The following ANKRD37 variants were observed in gnomAD, a reference collection of about 807,000 sequenced individuals.
The protein encoded by ANKRD37 is ankyrin repeat domain 37, also known as ankyrin repeat domain-containing protein 37.
Under a neutral mutation model 19.7 loss-of-function variants are expected in ANKRD37, and 17 were observed. The observed-to-expected ratio is 0.86, with a 90% CI of 0.59 to 1.29. ANKRD37 has a LOEUF of 1.29. Among genes scored for constraint, ANKRD37 ranks in the 50% most tolerant of loss-of-function variants. The pLI is 0.00. For synonymous variants in ANKRD37, 79 were observed against 74.5 expected (o/e 1.06, Z -0.31); for missense variants, 207 against 190.4 (o/e 1.09, Z -0.51).
intron 2 of ANKRD37, among the ~76,000 whole-genome samples, chr4:185,398,042 C>T (rs1192244200): frequency 2.6e-5 from 4 of 152,260 alleles, no homozygotes; most frequent in Non-Finnish European, 5.9e-5. Flanking sequence ...ACTGCAACCT[C>T]TGCTTCTTGG....
At chr4:185,398,296 C>T (rs1057111010) in intron 2 of ANKRD37, among the ~76,000 whole-genome samples, 11 of 151,922 alleles carry the variant, frequency 7.2e-5, no homozygotes, top group African/African-American at 2.7e-4. Flanking sequence ...AAAAAGCAAA[C>T]TAAAAGAACT....
Position 185,397,245 on chromosome 4 carries a change from C to A in ANKRD37, c.123C>A (p.Ser41Arg), listed in dbSNP as rs938648762. The change falls in exon 2 of 5, where the codon AGC becomes AGA. Residue 41 changes from serine to arginine, a missense_variant. Coordinates refer to ENST00000335174, the MANE Select transcript of ANKRD37 (RefSeq NM_181726.4). Reference protein sequence around the residue: ...KQSPVHLAAGSGLACFLLWQL... With the variant: ...KQSPVHLAAGRGLACFLLWQL... ...CGCCTGTCCACTTAGCCGCAGGAAGCGGCCTTGCTTGCTTTCTTCTCTGGC... is the reference window on the plus strand; with the variant it reads ...CGCCTGTCCACTTAGCCGCAGGAAGAGGCCTTGCTTGCTTTCTTCTCTGGC... 15 of 1,614,038 alleles carry A rather than the reference C, an allele frequency of 9.3e-6. 1 individual carries two copies. In the Admixed American group the frequency reaches 2.2e-4, roughly 23 times the overall value.
chr4:185,397,012 C>T lies in ANKRD37; in HGVS notation c.27+62C>T, dbSNP rs2095505290. Reference sequence around the variant, plus strand: ...TGCAGGCTCAAGCTTCTAGATTCGTCTTCTCGTTAATGCGGGGACGGACCA... The same window carrying T: ...TGCAGGCTCAAGCTTCTAGATTCGTTTTCTCGTTAATGCGGGGACGGACCA... On this transcript the variant is annotated intron_variant, in intron 1 of 4. Coordinates refer to ENST00000335174, the MANE Select transcript of ANKRD37 (RefSeq NM_181726.4). 3.7e-6 allele frequency: 6 copies of T among 1,611,066 alleles called. No homozygotes were observed. The East Asian group carries it at 6.7e-5, about 18-fold the overall frequency.
At chr4:185,398,735 CG>C (rs1412075157) in intron 2 of ANKRD37, among the ~76,000 whole-genome samples, 1 of 148,084 alleles carries the variant, frequency 6.8e-6, no homozygotes, top group Non-Finnish European at 1.5e-5. Flanking sequence ...AACCCAAAAC[CG>C]GAACTGAGAA....
At chr4:185,398,126 T>C (rs186854217) in intron 2 of ANKRD37, among the ~76,000 whole-genome samples, 74 of 152,078 alleles carry the variant, frequency 4.9e-4, no homozygotes, top group African/African-American at 1.5e-3. Context: ...CCCGGCTAAT[T>C]TGTGTATTTT....
chr4:185,399,109 C>G (rs960851430), intron 3 of ANKRD37, 81 bp downstream of exon 3: 2 of 1,185,932 alleles, frequency 1.7e-6, no homozygotes, highest in South Asian at 2.6e-5. Context: ...GTTACATGTG[C>G]TTTTAAAAAT....
At position 185,400,012 on chromosome 4, in the gene ANKRD37, A is replaced by G. The variant is rs2095511328; in HGVS notation, c.*-5A>G. 6.2e-7 allele frequency: 1 copy of G among 1,602,072 alleles called. No individual in the cohort carries two copies. The highest frequency in any genetic ancestry group is 8.5e-7 in the Non-Finnish European group (1 of 1,176,858). ...TTTTTAATGTTAACGTGTTTTTAAA[A>G]ACAGATGTCACGTGGGTTATGAAGA... On this transcript the variant is annotated splice_region_variant and splice_polypyrimidine_tract_variant and intron_variant, in intron 4 of 4. Coordinates refer to ENST00000335174, the MANE Select transcript of ANKRD37 (RefSeq NM_181726.4).
downstream of ANKRD37, chr4:185,400,505 G>C: frequency 6.4e-7 from 1 of 1,560,766 alleles, no homozygotes; most frequent in Non-Finnish European, 8.8e-7. Context: ...GGAAAGGAAA[G>C]CCTTTTACAA....
chr4:185,399,077 C>T, intron 3 of ANKRD37, 49 bp downstream of exon 3: 2 of 1,457,760 alleles, frequency 1.4e-6, no homozygotes, highest in Admixed American at 1.7e-5. Flanking sequence ...TTGGATTAAA[C>T]TAATCAGACT....
chr4:185,399,458 C>G, intron 3 of ANKRD37, 112 bp from the exon 4 acceptor site: 2 of 1,148,952 alleles, frequency 1.7e-6, no homozygotes, highest in Non-Finnish European at 2.5e-6. Context: ...CATCCTTTAC[C>G]TCTTCTGTTC....
At chr4:185,400,431 G>A (rs758191031), downstream of ANKRD37, 30 of 1,613,882 alleles carry the variant, frequency 1.9e-5, no homozygotes, top group Non-Finnish European at 2.5e-5. Flanking sequence ...ATAAGTTATA[G>A]TATGCATCCT....
chr4:185,397,015 C>T, intron 1 of ANKRD37, 65 bp downstream of exon 1: 1 of 1,611,054 alleles, frequency 6.2e-7, no homozygotes, highest in African/African-American at 1.3e-5. Flanking sequence ...GATTCGTCTT[C>T]TCGTTAATGC....
Position 185,396,879 on chromosome 4 carries a change from C to G in ANKRD37, c.-45C>G. ...TGTCGGGGTGCGGCGAGTGTCTCAC[C>G]TCTCTGCACTTCCAAGGACTCTTGT... On this transcript the variant is annotated 5_prime_UTR_variant, in exon 1 of 5. Transcript: ENST00000335174. 6.2e-7 allele frequency: 1 copy of G among 1,608,622 alleles called. No homozygotes were observed. The highest frequency in any genetic ancestry group is 8.5e-7 in the Non-Finnish European group (1 of 1,177,250).
At chr4:185,399,501 C>T in intron 3 of ANKRD37, 69 bp from the exon 4 acceptor site, 1 of 1,493,830 alleles carries the variant, frequency 6.7e-7, no homozygotes, top group Non-Finnish European at 9.0e-7. Flanking sequence ...CCAAAATTCC[C>T]TTGTAAGATA....
At chr4:185,396,993 C>T (rs1191563302) in intron 1 of ANKRD37, 43 bp downstream of exon 1, 3 of 1,612,452 alleles carry the variant, frequency 1.9e-6, no homozygotes, top group East Asian at 2.2e-5. Context: ...GTCCTGCAGG[C>T]TCAAGCTTCT....
Position 185,400,047 on chromosome 4 carries a change from A to G in ANKRD37, c.*30A>G, listed in dbSNP as rs1448842707. 1.9e-6 allele frequency: 3 copies of G among 1,565,052 alleles called. No homozygotes were observed. Among genetic ancestry groups the G allele is most frequent in the Non-Finnish European group, 2.6e-6 (3 of 1,143,010 alleles). ...ACGTGGGTTATGAAGAAGTCTGAAG[A>G]ACGCCTTCATTTCATGCAAATCTAT... On this transcript the variant is annotated 3_prime_UTR_variant, in exon 5 of 5. Transcript: ENST00000335174.
intron 2 of ANKRD37, 134 bp downstream of exon 2, chr4:185,397,436 C>T (rs1452057941): frequency 8.4e-7 from 1 of 1,189,830 alleles, no homozygotes; most frequent in African/African-American, 1.5e-5. Flanking sequence ...AAATATAATG[C>T]AAGACACAGA....
rs371823357 is a variant in ANKRD37 at position 185,396,844 on chromosome 4, C to G, written c.-80C>G. On this transcript the variant is annotated 5_prime_UTR_variant, in exon 1 of 5. Coordinates refer to ENST00000335174, the MANE Select transcript of ANKRD37 (RefSeq NM_181726.4). The stretch of plus-strand genomic sequence containing the variant: ...TCTCCCGTGCTAGGGCCAGCCTGCG[C>G]ATTCTTACCTGTCGGGGTGCGGCGA... The G allele has an allele frequency of 6.8e-7, 1 of 1,472,328 alleles. No individual in the cohort carries two copies. The highest frequency in any genetic ancestry group is 1.1e-5 in the South Asian group (1 of 88,400). The allele number at this position is 1,472,328 out of a possible 1,614,324, so 91.2% of individuals were successfully genotyped here.
chr4:185,398,346 A>G (rs1321911970), intron 2 of ANKRD37, among the ~76,000 whole-genome samples: 2 of 152,234 alleles, frequency 1.3e-5, no homozygotes, highest in Non-Finnish European at 2.9e-5. Flanking sequence ...CCGAGGAAAA[A>G]AACAAAAATA....
Sources: allele counts gnomAD v4.1 joint callset (sites outside exome capture counted in the v4.1 genomes callset), GRCh38; gene constraint gnomAD v4.1.1; transcripts MANE v1.5; gene names NCBI Gene and HGNC (gene_info 2026-07-23, HGNC 2026-07-21).